BCL2: variants seen among roughly 807,000 people sequenced by gnomAD.
BCL2 encodes apoptosis regulator Bcl-2.
Under a neutral mutation model 14.2 loss-of-function variants are expected in BCL2, and 1 was observed. The ratio of observed to expected loss-of-function variants is 0.07; its 90% CI spans 0.02 to 0.33. The LOEUF is 0.33. BCL2 is among the 10% of genes least tolerant of loss of function. The pLI is 0.99. For synonymous variants in BCL2, 151 were observed against 137.2 expected (o/e 1.10, Z -0.70); for missense variants, 247 against 305.9 (o/e 0.81, Z 1.44).
At chr18:63,157,991 T>C (rs2144615487) in intron 2 of BCL2, among the ~76,000 whole-genome samples, 1 of 151,986 alleles carries the variant, frequency 6.6e-6, no homozygotes, top group East Asian at 1.9e-4. Flanking sequence ...AAAACAAACA[T>C]ATACAGAGTT....
intron 2 of BCL2, among the ~76,000 whole-genome samples, chr18:63,237,186 G>C (rs528931255): frequency 1.3e-5 from 2 of 152,086 alleles, no homozygotes; most frequent in Non-Finnish European, 2.9e-5. Flanking sequence ...TATGGAGGCC[G>C]AGAGAGGCCC....
intron 2 of BCL2, among the ~76,000 whole-genome samples, chr18:63,137,867 T>C (rs72941348): frequency 0.051 from 7,761 of 151,994 alleles, 305 homozygotes; most frequent in Non-Finnish European, 0.077. Context: ...AGGGGCAGCA[T>C]TGGTGCCTGT....
chr18:63,166,237 C>A (rs1216663889), intron 2 of BCL2, among the ~76,000 whole-genome samples: 1 of 152,224 alleles, frequency 6.6e-6, no homozygotes, highest in Non-Finnish European at 1.5e-5. Context: ...GACAAGGCAG[C>A]TCCCAGAGTG....
At chr18:63,305,584 A>C (rs1188093987) in intron 2 of BCL2, among the ~76,000 whole-genome samples, 5 of 152,170 alleles carry the variant, frequency 3.3e-5, no homozygotes, top group African/African-American at 1.2e-4. Context: ...TTAAAATCCT[A>C]CGTAAAGGCA....
At chr18:63,194,077 A>G (rs1909371936) in intron 2 of BCL2, among the ~76,000 whole-genome samples, 1 of 152,150 alleles carries the variant, frequency 6.6e-6, no homozygotes, top group Admixed American at 6.5e-5. Flanking sequence ...TGGCAAGCTA[A>G]TAGTTTTTAT....
Position 63,125,648 on chromosome 18 carries a change from G to T in BCL2, c.*2977C>A. 1 of 212,090 alleles carries T rather than the reference G, an allele frequency of 4.7e-6. No individual in the cohort carries two copies. 13.1% of individuals were successfully genotyped at this position (212,090 alleles called of 1,614,324 possible). A position where few individuals can be genotyped will look rare whatever the true frequency, so the allele number is the denominator to read the frequency against. ...TACAAAATAGGGATGGTTCTCTGTT[G>T]CCCAACTGCAAAATAATTAGATATA... is the stretch of plus-strand genomic sequence containing the variant. On this transcript the variant is annotated 3_prime_UTR_variant, in exon 3 of 3. Transcript: ENST00000333681.
intron 2 of BCL2, among the ~76,000 whole-genome samples, chr18:63,291,305 C>A (rs957795155): frequency 1.3e-5 from 2 of 152,144 alleles, no homozygotes; most frequent in Admixed American, 1.3e-4. Flanking sequence ...TAAATTGTTC[C>A]CCAAATGAAT....
chr18:63,248,834 G>C (rs774617984), intron 2 of BCL2, among the ~76,000 whole-genome samples: 1 of 152,194 alleles, frequency 6.6e-6, no homozygotes, highest in South Asian at 2.1e-4. Context: ...AGGATCTTGC[G>C]AGGTCAGTGC....
intron 2 of BCL2, among the ~76,000 whole-genome samples, chr18:63,275,900 C>T (rs1912137907): frequency 6.6e-6 from 1 of 152,218 alleles, no homozygotes; most frequent in African/African-American, 2.4e-5. Flanking sequence ...AACCACTTTG[C>T]AAGAATCTGT....
intron 2 of BCL2, among the ~76,000 whole-genome samples, chr18:63,277,336 T>A (rs1912183518): frequency 6.6e-6 from 1 of 152,152 alleles, no homozygotes; most frequent in Non-Finnish European, 1.5e-5. Context: ...GCCTGAGACA[T>A]AAAAGGCACT....
intron 2 of BCL2, among the ~76,000 whole-genome samples, chr18:63,279,240 T>C (rs1392757603): frequency 6.6e-6 from 1 of 152,202 alleles, no homozygotes; most frequent in East Asian, 1.9e-4. Flanking sequence ...AGATTCTGTT[T>C]TGAGACTAAA....
intron 2 of BCL2, among the ~76,000 whole-genome samples, chr18:63,156,994 C>T (rs4987809): frequency 0.012 from 1,904 of 152,338 alleles, 38 homozygotes; most frequent in African/African-American, 0.043. Context: ...GAACATGAAT[C>T]TGGGGCCACC....
intron 2 of BCL2, among the ~76,000 whole-genome samples, chr18:63,288,121 T>C (rs79241524): frequency 0.026 from 3,892 of 152,312 alleles, 110 homozygotes; most frequent in African/African-American, 0.064. Context: ...GAAAACAAAA[T>C]TGTTGGGTTT....
At chr18:63,266,072 T>C (rs1911814102) in intron 2 of BCL2, among the ~76,000 whole-genome samples, 1 of 152,256 alleles carries the variant, frequency 6.6e-6, no homozygotes, top group South Asian at 2.1e-4. Context: ...CAGGATTTTA[T>C]CCTGCAGATC....
At chr18:63,294,884 A>G (rs907820222) in intron 2 of BCL2, among the ~76,000 whole-genome samples, 4 of 151,472 alleles carry the variant, frequency 2.6e-5, no homozygotes, top group African/African-American at 9.7e-5. Flanking sequence ...AATTTGGCTG[A>G]GTTCGGTGGC....
chr18:63,316,252 T>A (rs1452214398), intron 2 of BCL2: 1 of 152,204 alleles, frequency 6.6e-6, no homozygotes, highest in Admixed American at 6.5e-5. Context: ...TGTCTCTGTT[T>A]CCCACATTTT....
intron 2 of BCL2, among the ~76,000 whole-genome samples, chr18:63,279,732 G>A (rs979009329): frequency 2.4e-4 from 36 of 152,126 alleles, no homozygotes; most frequent in Non-Finnish European, 4.3e-4. Context: ...AATACAACAA[G>A]GAAAATGAAC....
At chr18:63,212,198 C>G (rs538616037) in intron 2 of BCL2, among the ~76,000 whole-genome samples, 6 of 151,146 alleles carry the variant, frequency 4.0e-5, no homozygotes, top group Admixed American at 2.0e-4. Flanking sequence ...TGGTGGCGGG[C>G]GCCTGTAGTC....
chr18:63,123,712 T>C lies in BCL2; in HGVS notation c.*4913A>G, dbSNP rs1336409698. The C allele has an allele frequency of 9.3e-6, 2 of 214,522 alleles. No individual in the cohort carries two copies. Among genetic ancestry groups the C allele is most frequent in the Non-Finnish European group, 1.9e-5 (2 of 106,410 alleles). The allele number at this position is 214,522 out of a possible 1,614,324, so 13.3% of individuals were successfully genotyped here. On this transcript the variant is annotated 3_prime_UTR_variant, in exon 3 of 3. Transcript: ENST00000333681. Reference sequence around the variant, plus strand: ...ACAAAAGCAAACCTTGGTTGAAAACTTAAGAAGGTATAATAAACAAAACCA... The same window carrying C: ...ACAAAAGCAAACCTTGGTTGAAAACCTAAGAAGGTATAATAAACAAAACCA...
Sources: allele counts gnomAD v4.1 joint callset (sites outside exome capture counted in the v4.1 genomes callset), GRCh38; gene constraint gnomAD v4.1.1; transcripts MANE v1.5; gene names NCBI Gene and HGNC (gene_info 2026-07-23, HGNC 2026-07-21).